Variants in RBFOX3 observed in about 807,000 individuals in gnomAD.
RBFOX3 encodes the protein RNA binding fox-1 homolog 3, also known as RNA binding protein fox-1 homolog 3.
In RBFOX3, 17 loss-of-function variants were observed where a neutral mutation model predicts 48.7. The observed-to-expected ratio is 0.35, with a 90% CI of 0.24 to 0.52. The LOEUF (loss-of-function observed/expected upper bound fraction) is 0.52. Among genes scored for constraint, RBFOX3 ranks in the 20% least tolerant of loss-of-function variants. The probability of loss-of-function intolerance (pLI) is 0.94; values close to 1 mark genes in which losing one functional copy is unlikely to be tolerated. For missense variants in RBFOX3, 382 were observed against 497.5 expected (o/e 0.77, Z 2.21); for synonymous variants, 212 against 209.5 (o/e 1.01, Z -0.10).
chr17:79,368,088 C>T (rs1052559549), intron 2 of RBFOX3, among the ~76,000 whole-genome samples: 1 of 152,202 alleles, frequency 6.6e-6, no homozygotes, highest in East Asian at 1.9e-4. Flanking sequence ...GATTAAGAGG[C>T]GTGGGGACAG....
intron 2 of RBFOX3, among the ~76,000 whole-genome samples, chr17:79,455,059 C>G (rs1392803873): frequency 1.3e-5 from 2 of 151,928 alleles, no homozygotes; most frequent in African/African-American, 2.4e-5. Context: ...ACAGCAACCC[C>G]TCCATGGGGT....
intron 1 of RBFOX3, among the ~76,000 whole-genome samples, chr17:79,514,314 G>A (rs1054735832): frequency 2.6e-5 from 4 of 152,194 alleles, no homozygotes; most frequent in Admixed American, 6.5e-5. Context: ...CTGGGTATCC[G>A]ACACACGGGT....
the RBFOX3 span, among the ~76,000 whole-genome samples, chr17:79,656,424 G>T: frequency 2.6e-5 from 4 of 152,250 alleles, no homozygotes. Flanking sequence ...GACTAGCCTG[G>T]CCAACATGGT....
At chr17:79,493,625 C>T (rs1438988869) in intron 1 of RBFOX3, among the ~76,000 whole-genome samples, 5 of 152,208 alleles carry the variant, frequency 3.3e-5, no homozygotes, top group Non-Finnish European at 7.3e-5. Context: ...GTCATAGCTG[C>T]CTGGCATTTG....
chr17:79,097,298 T>C lies in RBFOX3; in HGVS notation c.749A>G (p.Tyr250Cys), dbSNP rs1301832777. The C allele has an allele frequency of 6.7e-7, 1 of 1,502,772 alleles. No individual in the cohort carries two copies. The highest frequency in any genetic ancestry group is 1.8e-4 in the Middle Eastern group (1 of 5,686). The allele number at this position is 1,502,772 out of a possible 1,614,324, so 93.1% of individuals were successfully genotyped here. A position where few individuals can be genotyped will look rare whatever the true frequency, so the allele number is the denominator to read the frequency against. Residue 250 changes from tyrosine to cysteine, a missense_variant, in exon 11 of 15, where the codon TAC becomes TGC. Physicochemically the swap from Tyr to Cys is radical, Grantham distance 194 (BLOSUM62 -2). This residue lies in a region of RBFOX3 where 215 missense variants were observed against 254.8 expected (regional missense o/e 0.84). Transcript: ENST00000693108. Reference protein sequence around the residue: ...AAPPPPPIPTYGAALEQTLVK... With the variant: ...AAPPPPPIPTCGAALEQTLVK... ...CCCCGGCCCAGGTACTCACGCTCCG[T>C]AAGTCGGGATGGGGGGTGGGGGTGG...
intron 4 of RBFOX3, among the ~76,000 whole-genome samples, chr17:79,193,292 C>G (rs1176741848): frequency 6.6e-6 from 1 of 152,176 alleles, no homozygotes; most frequent in African/African-American, 2.4e-5. Context: ...AGGGAATGTG[C>G]CTATTAACAG....
intron 2 of RBFOX3, among the ~76,000 whole-genome samples, chr17:79,317,555 CG>C (rs2077709221): frequency 6.6e-6 from 1 of 152,200 alleles, no homozygotes; most frequent in South Asian, 2.1e-4. Flanking sequence ...GCAGCAGCAC[CG>C]ATGCCCGTGG....
intron 5 of RBFOX3, among the ~76,000 whole-genome samples, chr17:79,114,172 C>T (rs973830010): frequency 6.6e-6 from 1 of 152,160 alleles, no homozygotes; most frequent in Non-Finnish European, 1.5e-5. Context: ...ATGGTGAACC[C>T]GGCTTGGCTC....
chr17:79,242,093 G>A lies in RBFOX3; in HGVS notation c.-73-6288C>T. The stretch of plus-strand genomic sequence containing the variant: ...TGTGCAGTGACGGTGCTTGGACCTA[G>A]TTTATGGTCAGAGTAGATTTATTTG... On this transcript the variant is annotated intron_variant, in intron 3 of 14. Coordinates refer to ENST00000693108, the MANE Select transcript of RBFOX3 (RefSeq NM_001350451.2). The surrounding 1 kb of genome is among the most constrained non-coding windows in gnomAD (Gnocchi z 5.8). Among the ~76,000 whole-genome samples, 1 of 152,210 alleles carries A rather than the reference G, an allele frequency of 6.6e-6. No individual in the cohort carries two copies. The highest frequency in any genetic ancestry group is 1.9e-4 in the East Asian group (1 of 5,188).
chr17:79,101,753 C>G (rs2076481824), intron 8 of RBFOX3, 109 bp from the exon 9 acceptor site: 1 of 959,750 alleles, frequency 1.0e-6, no homozygotes, highest in Non-Finnish European at 1.6e-6. Context: ...CCCCCCGCCC[C>G]AGCCTCCTCT....
intron 2 of RBFOX3, among the ~76,000 whole-genome samples, chr17:79,331,843 T>C (rs1487451655): frequency 6.6e-6 from 1 of 152,190 alleles, no homozygotes; most frequent in African/African-American, 2.4e-5. Context: ...TTTCTTCGAC[T>C]ATTTTTCTCA....
intron 4 of RBFOX3, chr17:79,183,115 C>G (rs906806317): frequency 5.4e-5 from 8 of 148,076 alleles, no homozygotes; most frequent in Admixed American, 1.3e-4. Context: ...GTTCCCCCTA[C>G]CCCAGCCCCG....
chr17:79,115,878 A>G, intron 4 of RBFOX3, 130 bp from the exon 5 acceptor site: 1 of 530,712 alleles, frequency 1.9e-6, no homozygotes, highest in East Asian at 3.4e-5. Flanking sequence ...GGCCCCTCCA[A>G]GGGGGGCTCG....
intron 4 of RBFOX3, among the ~76,000 whole-genome samples, chr17:79,189,782 T>A (rs2054101341): frequency 6.6e-6 from 1 of 152,334 alleles, no homozygotes; most frequent in Non-Finnish European, 1.5e-5. Context: ...TGTGCCCTTG[T>A]GCCCAGACCA....
intron 3 of RBFOX3, among the ~76,000 whole-genome samples, chr17:79,239,922 A>C (rs961707377): frequency 2.6e-5 from 4 of 152,214 alleles, no homozygotes; most frequent in Non-Finnish European, 4.4e-5. Context: ...ACGGATGTGC[A>C]TTTATCCACC....
chr17:79,640,054 G>A, the RBFOX3 span, among the ~76,000 whole-genome samples: 77 of 152,224 alleles, frequency 5.1e-4, no homozygotes, highest in African/African-American at 1.8e-3. Flanking sequence ...ATGGCAAGAT[G>A]ATATACGTAG....
At chr17:79,101,817 G>A (rs1001453369) in intron 8 of RBFOX3, among the ~76,000 whole-genome samples, 173 bp from the exon 9 acceptor site, 21 of 149,042 alleles carry the variant, frequency 1.4e-4, no homozygotes, top group East Asian at 2.1e-4. Flanking sequence ...CTCCCAGCAC[G>A]GGCTAAAGCC....
chr17:79,183,817 C>CT (rs1302683381), intron 4 of RBFOX3, among the ~76,000 whole-genome samples: 1 of 152,180 alleles, frequency 6.6e-6, no homozygotes, highest in South Asian at 2.1e-4. Context: ...AGCGACGGCA[C>CT]AACAGCTGAT....
the RBFOX3 span, among the ~76,000 whole-genome samples, chr17:79,638,583 C>T: frequency 5.3e-5 from 8 of 152,278 alleles, no homozygotes; most frequent in African/African-American, 1.4e-4. Context: ...ATGTTTGTCT[C>T]CTCCAATCTC....
Sources: gnomAD v4.1 joint callset for allele counts (sites outside exome capture counted in the v4.1 genomes callset) on GRCh38, gnomAD v4.1.1 for gene constraint, gnomAD v4.1.1 regional missense constraint, Gnocchi (gnomAD v3.1) non-coding constraint, MANE v1.5 for transcripts, NCBI Gene and HGNC (gene_info 2026-07-23, HGNC 2026-07-21) for gene names.